The following COPS3 variants were observed in gnomAD, a reference collection of about 807,000 sequenced individuals.
COPS3 encodes the protein COP9 signalosome subunit 3, also known as COP9 signalosome complex subunit 3.
A neutral mutation model predicts 58.2 loss-of-function variants in COPS3; 10 were observed. The ratio of observed to expected loss-of-function variants is 0.17; its 90% CI spans 0.11 to 0.29. COPS3 has a LOEUF of 0.29. Ranked by LOEUF, COPS3 falls within the 10% of genes least tolerant of loss-of-function variation. The pLI is 1.00. For missense variants in COPS3, 333 were observed against 510.1 expected (o/e 0.65, Z 3.34); for synonymous variants, 187 against 181.7 (o/e 1.03, Z -0.24).
chr17:17,277,716 A>G (rs1428573219), intron 1 of COPS3, among the ~76,000 whole-genome samples: 1 of 152,152 alleles, frequency 6.6e-6, no homozygotes, highest in East Asian at 1.9e-4. Flanking sequence ...CACCACACTC[A>G]GCCTGCAATG....
intron 8 of COPS3, among the ~76,000 whole-genome samples, chr17:17,256,410 A>C (rs2047976851): frequency 6.6e-6 from 1 of 152,152 alleles, no homozygotes; most frequent in Admixed American, 6.6e-5. Flanking sequence ...TTTTTAAACA[A>C]ATGGGGGAGT....
intron 2 of COPS3, among the ~76,000 whole-genome samples, chr17:17,274,944 C>T (rs999401589): frequency 5.3e-5 from 8 of 152,030 alleles, no homozygotes; most frequent in Admixed American, 4.6e-4. Flanking sequence ...CTTGTCCTGC[C>T]TATCAGTTGT....
At chr17:17,276,299 A>T (rs2048459848) in intron 1 of COPS3, 135 bp from the exon 2 acceptor site, 14 of 1,158,892 alleles carry the variant, frequency 1.2e-5, no homozygotes, top group Admixed American at 9.0e-5. Context: ...TCGGATGAGG[A>T]TCCAGAAGGA....
intron 7 of COPS3, 72 bp from the exon 8 acceptor site, chr17:17,260,546 G>A (rs1597674872): frequency 2.0e-6 from 3 of 1,473,358 alleles, no homozygotes; most frequent in Non-Finnish European, 2.8e-6. Context: ...ACTCACGCCT[G>A]TAATCTCAAC....
chr17:17,271,682 C>T (rs1289780416), intron 2 of COPS3, among the ~76,000 whole-genome samples: 3 of 150,774 alleles, frequency 2.0e-5, no homozygotes, highest in South Asian at 2.1e-4. Flanking sequence ...ATTAGCCGGG[C>T]GTGGTGGTGC....
intron 4 of COPS3, among the ~76,000 whole-genome samples, chr17:17,269,381 C>T (rs1277552550): frequency 6.6e-6 from 1 of 152,064 alleles, no homozygotes; most frequent in Non-Finnish European, 1.5e-5. Context: ...GCCGAGATTG[C>T]GCCATTGCAC....
intron 2 of COPS3, among the ~76,000 whole-genome samples, chr17:17,272,612 T>G (rs897768538): frequency 6.6e-6 from 1 of 152,032 alleles, no homozygotes; most frequent in Non-Finnish European, 1.5e-5. Context: ...CAGAATACAT[T>G]GAATGAAAAT....
chr17:17,247,056 A>G lies in COPS3; in HGVS notation c.*42T>C. The G allele has an allele frequency of 6.4e-7, 1 of 1,570,902 alleles. No homozygotes were observed. The highest frequency in any genetic ancestry group is 2.2e-5 in the East Asian group (1 of 44,696). On this transcript the variant is annotated 3_prime_UTR_variant, in exon 12 of 12. Transcript: ENST00000268717. ...CCCTCCGAACACTTGTCACTGGCCA[A>G]GATGGTAGTTTCTCTTGTTTAGCTC... is the stretch of plus-strand genomic sequence containing the variant.
chr17:17,272,212 C>T (rs961925812), intron 2 of COPS3, among the ~76,000 whole-genome samples: 2 of 152,130 alleles, frequency 1.3e-5, no homozygotes, highest in Non-Finnish European at 2.9e-5. Flanking sequence ...CACCTGAGGT[C>T]AGGATTTCAA....
At chr17:17,250,429 T>A (rs1403070947) in intron 9 of COPS3, among the ~76,000 whole-genome samples, 1 of 152,030 alleles carries the variant, frequency 6.6e-6, no homozygotes, top group Admixed American at 6.6e-5. Context: ...TAATTTTTTT[T>A]ATTTTTAGTA....
chr17:17,271,839 T>C (rs1473850806), intron 2 of COPS3, among the ~76,000 whole-genome samples: 1 of 82,798 alleles, frequency 1.2e-5, no homozygotes, highest in Non-Finnish European at 2.6e-5. Context: ...TCTATATATA[T>C]CTATATATAT....
rs1350785093 is a variant in COPS3, at chr17:17,260,439, C to T, written c.798G>A (p.Val266=). Residue 266 remains valine (V), a synonymous_variant, in exon 8 of 12, where the codon GTG becomes GTA. Coordinates refer to ENST00000268717, the MANE Select transcript of COPS3 (RefSeq NM_003653.4). ...GTTCTGAGGGGTTGTTGGTTGAATA[C>T]ACTTGTGCTAACTCGTGGTATGCAT... is the stretch of plus-strand genomic sequence containing the variant. ...LSNAYHELAQ[V]YSTNNPSELR... 2.2e-5 allele frequency: 36 copies of T among 1,613,990 alleles called. No individual in the cohort carries two copies. The highest frequency in any genetic ancestry group is 2.9e-5 in the Non-Finnish European group (34 of 1,180,016).
chr17:17,279,456 T>C (rs2048529761), intron 1 of COPS3, among the ~76,000 whole-genome samples: 1 of 152,148 alleles, frequency 6.6e-6, no homozygotes, highest in Non-Finnish European at 1.5e-5. Flanking sequence ...AACAAACCAG[T>C]GGTTCCTTTA....
Position 17,262,016 on chromosome 17 carries a change from C to T in COPS3, c.712G>A (p.Val238Ile), listed in dbSNP as rs776776336. Reference protein sequence around the residue: ...ILVSLILLGKVQQLPKYTSQI... With the variant: ...ILVSLILLGKIQQLPKYTSQI... ...GATGTATATTTTGGTAGCTGTTGTA[C>T]TTTGCCAAGTAATATCAAAGACACT... Residue 238 changes from valine (V) to isoleucine (I), a missense_variant, in exon 7 of 12, where the codon GTA becomes ATA. Coordinates refer to ENST00000268717, the MANE Select transcript of COPS3 (RefSeq NM_003653.4). 13 of 1,606,608 alleles carry T rather than the reference C, an allele frequency of 8.1e-6. No individual in the cohort carries two copies. The South Asian group carries it at 1.2e-4, about 15-fold the overall frequency.
rs746531611 is a variant in COPS3 at position 17,270,780 on chromosome 17, T to C, written c.326A>G (p.Asn109Ser). 6.6e-5 allele frequency: 105 copies of C among 1,597,958 alleles called. No homozygotes were observed. Among genetic ancestry groups the C allele is most frequent in the Non-Finnish European group, 8.7e-5 (102 of 1,170,676 alleles). The change falls in exon 4 of 12, where the codon AAT (asparagine) becomes AGT (serine). Residue 109 changes from asparagine (N) to serine (S), a missense_variant. Physicochemically the swap from Asn to Ser is conservative, Grantham distance 46. Coordinates refer to ENST00000268717, the MANE Select transcript of COPS3 (RefSeq NM_003653.4). ...TFAGLCHQLT[N>S]ALVERKQPLR... ...TACCTGTTTTCTTTCCACAAGTGCATTTGTTAGCTGATGGCAAAGCCCAGC... is the reference window on the plus strand; with the variant it reads ...TACCTGTTTTCTTTCCACAAGTGCACTTGTTAGCTGATGGCAAAGCCCAGC...
In COPS3 at chr17:17,247,164, A is replaced by T; in HGVS notation, c.1219-13T>A. On this transcript the variant is annotated splice_polypyrimidine_tract_variant and intron_variant, in intron 11 of 11. Coordinates refer to ENST00000268717, the MANE Select transcript of COPS3 (RefSeq NM_003653.4). ...GTGAGCCCATACTCTGTAAAGGTAA[A>T]GTGAAGTTATGTATTTATGTTTGCT... 1 of 1,612,794 alleles carries T rather than the reference A, an allele frequency of 6.2e-7. No individual in the cohort carries two copies.
Position 17,271,930 on chromosome 17 carries a change from TTATA to T in COPS3, c.186-926_186-923del, listed in dbSNP as rs143071223. ...CATGTATATATTAAACATATATGTT[TTATA>T]TATATATATATGTTTAATAAGGAAC... is the stretch of plus-strand genomic sequence containing the variant. On this transcript the variant is annotated intron_variant, in intron 2 of 11. Coordinates refer to ENST00000268717, the MANE Select transcript of COPS3 (RefSeq NM_003653.4). Among the ~76,000 whole-genome samples, 181 of 146,282 alleles carry T rather than the reference TTATA, an allele frequency of 1.2e-3. No homozygotes were observed. In the Middle Eastern group the frequency reaches 0.021, roughly 17 times the overall value.
At position 17,270,911 on chromosome 17, in the gene COPS3, A is replaced by G; in HGVS notation, c.283T>C (p.Tyr95His). The change falls in exon 3 of 12, where the codon TAT (tyrosine) becomes CAT (histidine). Residue 95 changes from tyrosine (Y) to histidine (H), a missense_variant. Coordinates refer to ENST00000268717, the MANE Select transcript of COPS3 (RefSeq NM_003653.4). ...ISTCNGEHIR[Y>H]ATDTFAGLCH... ...TTTAGCTTACAAGTGTCTGTTGCAT[A>G]TCGAATGTGCTCCCCATTACAAGTG... is the stretch of plus-strand genomic sequence containing the variant. 1.2e-6 allele frequency: 2 copies of G among 1,613,754 alleles called. No individual in the cohort carries two copies. Among genetic ancestry groups the G allele is most frequent in the Non-Finnish European group, 1.7e-6 (2 of 1,179,842 alleles).
chr17:17,253,316 G>A (rs558631519), intron 9 of COPS3, among the ~76,000 whole-genome samples: 2 of 152,286 alleles, frequency 1.3e-5, no homozygotes, highest in African/African-American at 4.8e-5. Flanking sequence ...TAAGGACACA[G>A]GTTTTCAGTG....
Sources: gnomAD v4.1 joint callset for allele counts (sites outside exome capture counted in the v4.1 genomes callset) on GRCh38, gnomAD v4.1.1 for gene constraint, MANE v1.5 for transcripts, NCBI Gene and HGNC (gene_info 2026-07-23, HGNC 2026-07-21) for gene names.